Variants in MTA3 observed in about 807,000 individuals in gnomAD.
MTA3 encodes the protein metastasis-associated protein MTA3.
In MTA3, 34 loss-of-function variants were observed where a neutral mutation model predicts 83.5. The ratio of observed to expected loss-of-function variants is 0.41; its 90% CI spans 0.31 to 0.54. MTA3 has a LOEUF of 0.54. Among genes scored for constraint, MTA3 ranks in the 20% least tolerant of loss-of-function variants. The pLI is 0.33. For missense variants in MTA3, 761 were observed against 726.4 expected, an observed-to-expected ratio of 1.05 and a Z score of -0.55; for synonymous variants, 303 against 252.7, an observed-to-expected ratio of 1.20 and a Z score of -1.89.
chr2:42,722,006 T>A (rs1313427846), intron 15 of MTA3, among the ~76,000 whole-genome samples: 1 of 152,222 alleles, frequency 6.6e-6, no homozygotes, highest in East Asian at 1.9e-4. Flanking sequence ...TGGCTTTTCC[T>A]AAATTCCAGT....
intron 3 of MTA3, 119 bp from the exon 4 acceptor site, chr2:42,609,339 A>G: frequency 8.6e-7 from 1 of 1,156,560 alleles, no homozygotes; most frequent in Non-Finnish European, 1.2e-6. Flanking sequence ...GCAAATGTTT[A>G]AATTTAAAAT....
At position 42,753,401 on chromosome 2, in the gene MTA3, C is replaced by G. The variant is rs1423410862; in HGVS notation, c.*2C>G. On this transcript the variant is annotated 3_prime_UTR_variant, in exon 17 of 17. Coordinates refer to ENST00000405094, the MANE Select transcript of MTA3 (RefSeq NM_001330442.2). ...CTCACGTGCTGTGTGTCAGACTGAG[C>G]TTTCCCTGATTCATTCTACAATCCA... The G allele has an allele frequency of 6.4e-7, 1 of 1,550,626 alleles. No individual in the cohort carries two copies. Among genetic ancestry groups the G allele is most frequent in the Non-Finnish European group, 8.7e-7 (1 of 1,146,986 alleles).
Position 42,548,878 on chromosome 2 carries a change from T to TATATATATATA in MTA3, c.-140-21558_-140-21548dup, listed in dbSNP as rs1156811014. ...ATATATAATATATATATATATATAA[T>TATATATATATA]ATATATATATATATCAGCGGGCACG... On this transcript the variant is annotated intron_variant, in intron 2 of 17. Transcript: ENST00000405592. Among the ~76,000 whole-genome samples, 106 of 11,224 alleles carry TATATATATATA rather than the reference T, an allele frequency of 9.4e-3. 20 individuals carry two copies. The highest frequency in any genetic ancestry group is 0.018 in the African/African-American group (24 of 1,302). 7.4% of individuals were successfully genotyped at this position (11,224 alleles called of 152,430 possible).
At chr2:42,609,964 G>C (rs1426065381) in intron 4 of MTA3, among the ~76,000 whole-genome samples, 1 of 152,170 alleles carries the variant, frequency 6.6e-6, no homozygotes, top group African/African-American at 2.4e-5. Flanking sequence ...GCTGGGCGTG[G>C]TGGTATGCAC....
chr2:42,648,214 A>C (rs913975313), intron 6 of MTA3, among the ~76,000 whole-genome samples: 3 of 152,146 alleles, frequency 2.0e-5, no homozygotes, highest in African/African-American at 2.4e-5. Context: ...CCAGTAATTA[A>C]CCACACTTGA....
chr2:42,715,764 A>G (rs572596682), intron 14 of MTA3, among the ~76,000 whole-genome samples: 48 of 152,294 alleles, frequency 3.2e-4, no homozygotes, highest in African/African-American at 1.1e-3. Context: ...ATAGCCATCA[A>G]TGTCTATCAA....
chr2:42,504,691 C>T (rs1315691958), intron 2 of MTA3, among the ~76,000 whole-genome samples: 2 of 149,126 alleles, frequency 1.3e-5, no homozygotes, highest in African/African-American at 5.0e-5. Flanking sequence ...GAGATGTGGT[C>T]TCCCTGTGTT....
intron 16 of MTA3, among the ~76,000 whole-genome samples, chr2:42,749,745 G>T (rs1669725976): frequency 6.6e-6 from 1 of 152,072 alleles, no homozygotes; most frequent in African/African-American, 2.4e-5. Flanking sequence ...TGGGATTACA[G>T]GCGTGAGTCA....
At chr2:42,670,274 A>AG (rs1690677678) in intron 8 of MTA3, among the ~76,000 whole-genome samples, 1 of 152,120 alleles carries the variant, frequency 6.6e-6, no homozygotes, top group African/African-American at 2.4e-5. Context: ...AAAAAAAAAA[A>AG]ATCTTAAAAC....
chr2:42,654,747 T>C (rs1017273568), intron 6 of MTA3, among the ~76,000 whole-genome samples: 4 of 152,182 alleles, frequency 2.6e-5, no homozygotes, highest in African/African-American at 9.6e-5. Flanking sequence ...CCTGAGTAGT[T>C]ATAACTACAG....
chr2:42,570,607 C>T (rs1678354496), intron 2 of MTA3, 103 bp downstream of exon 2: 1 of 590,150 alleles, frequency 1.7e-6, no homozygotes, highest in Non-Finnish European at 2.7e-6. Context: ...TGCCTGCAAT[C>T]CCAGTAAATT....
At chr2:42,714,987 G>T (rs1005308627) in intron 14 of MTA3, among the ~76,000 whole-genome samples, 1 of 152,196 alleles carries the variant, frequency 6.6e-6, no homozygotes, top group African/African-American at 2.4e-5. Context: ...CCTGCTCTAG[G>T]AAACTAAAGA....
chr2:42,638,986 T>C (rs1431951612), intron 4 of MTA3, among the ~76,000 whole-genome samples: 1 of 151,822 alleles, frequency 6.6e-6, no homozygotes, highest in Non-Finnish European at 1.5e-5. Flanking sequence ...TATTTTGCTC[T>C]TGGTAATTTT....
chr2:42,726,342 C>CT (rs879384443), intron 16 of MTA3, among the ~76,000 whole-genome samples: 128 of 142,656 alleles, frequency 9.0e-4, no homozygotes, highest in Admixed American at 2.0e-3. Context: ...ATTGCAGGTT[C>CT]TTTTTTTTTT....
chr2:42,653,119 G>C (rs1688865212), intron 6 of MTA3, among the ~76,000 whole-genome samples: 1 of 152,030 alleles, frequency 6.6e-6, no homozygotes, highest in Admixed American at 6.6e-5. Flanking sequence ...ATAGTTGCTG[G>C]GTCTACATTT....
At chr2:42,676,354 C>T (rs8179838) in intron 8 of MTA3, among the ~76,000 whole-genome samples, 99,349 of 152,112 alleles carry the variant, frequency 0.65, 32,615 homozygotes, top group African/African-American at 0.73. Context: ...AGCAGTTTCA[C>T]TCATTTAACA....
At chr2:42,521,942 T>G (rs534127014) in intron 2 of MTA3, among the ~76,000 whole-genome samples, 1 of 152,086 alleles carries the variant, frequency 6.6e-6, no homozygotes, top group South Asian at 2.1e-4. Context: ...TTTGTAGAGA[T>G]GGGGTTTCAC....
intron 8 of MTA3, among the ~76,000 whole-genome samples, chr2:42,668,866 A>T (rs983224432): frequency 6.6e-6 from 1 of 152,192 alleles, no homozygotes; most frequent in Non-Finnish European, 1.5e-5. Flanking sequence ...TTCAAAAAAA[A>T]ATTTCCCATC....
At chr2:42,507,424 CA>C (rs1322728095) in intron 2 of MTA3, among the ~76,000 whole-genome samples, 1 of 151,714 alleles carries the variant, frequency 6.6e-6, no homozygotes, top group East Asian at 1.9e-4. Context: ...CTCAGCCTCC[CA>C]AAGTGTTGGG....
Sources: allele counts gnomAD v4.1 joint callset (sites outside exome capture counted in the v4.1 genomes callset), GRCh38; gene constraint gnomAD v4.1.1; transcripts MANE v1.5; gene names NCBI Gene and HGNC (gene_info 2026-07-23, HGNC 2026-07-21).